The following PTPRT variants were observed in gnomAD, a reference collection of about 807,000 sequenced individuals.
PTPRT encodes the protein protein tyrosine phosphatase receptor type T, also known as receptor-type tyrosine-protein phosphatase T.
In PTPRT, 56 loss-of-function variants were observed where a neutral mutation model predicts 176.8. That is an observed-to-expected ratio of 0.32 (90% CI 0.26 to 0.40). PTPRT has a LOEUF of 0.40. Among genes scored for constraint, PTPRT ranks in the 10% least tolerant of loss-of-function variants. The pLI is 1.00. For missense variants in PTPRT, 1,540 were observed against 1,908.2 expected, an observed-to-expected ratio of 0.81 and a Z score of 3.60; for synonymous variants, 783 against 739.0, an observed-to-expected ratio of 1.06 and a Z score of -0.96.
intron 2 of PTPRT, among the ~76,000 whole-genome samples, chr20:42,815,757 C>T (rs912754793): frequency 1.3e-5 from 2 of 152,116 alleles, no homozygotes; most frequent in Admixed American, 1.3e-4. Flanking sequence ...GTTGACAGGG[C>T]TTCTCATCAA....
intron 7 of PTPRT, among the ~76,000 whole-genome samples, chr20:42,648,545 C>A (rs1053040867): frequency 1.3e-5 from 2 of 152,080 alleles, no homozygotes; most frequent in African/African-American, 4.8e-5. Context: ...CCTAGGCCCC[C>A]GAATGTGACT....
At chr20:42,935,482 A>T (rs767030922) in intron 1 of PTPRT, among the ~76,000 whole-genome samples, 6 of 152,098 alleles carry the variant, frequency 3.9e-5, no homozygotes, top group Admixed American at 6.6e-5. Flanking sequence ...GGTCCAGTCT[A>T]CACTTGAAGG....
intron 7 of PTPRT, among the ~76,000 whole-genome samples, chr20:42,632,638 A>G (rs75699285): frequency 0.12 from 18,650 of 150,012 alleles, 1,242 homozygotes; most frequent in South Asian, 0.15. Flanking sequence ...TTTATATATT[A>G]TACTAAATTT....
intron 1 of PTPRT, among the ~76,000 whole-genome samples, chr20:43,143,699 G>T (rs1031499254): frequency 1.3e-5 from 2 of 152,186 alleles, no homozygotes; most frequent in African/African-American, 4.8e-5. Context: ...GAGAATGGTG[G>T]ATATGATATC....
intron 15 of PTPRT, among the ~76,000 whole-genome samples, chr20:42,200,099 G>A (rs186897229): frequency 3.2e-4 from 48 of 151,284 alleles, no homozygotes; most frequent in African/African-American, 1.1e-3. Context: ...CAGGATCATT[G>A]AAGTAGGACA....
intron 2 of PTPRT, among the ~76,000 whole-genome samples, chr20:42,850,323 G>T (rs1490532814): frequency 6.6e-6 from 1 of 152,174 alleles, no homozygotes; most frequent in Admixed American, 6.5e-5. Context: ...TCCTCAAGTT[G>T]AAAAGCACTG....
chr20:42,372,649 A>T (rs1156266951), intron 9 of PTPRT, among the ~76,000 whole-genome samples: 1 of 152,132 alleles, frequency 6.6e-6, no homozygotes, highest in Non-Finnish European at 1.5e-5. Flanking sequence ...TAAAGTTTGA[A>T]AGTCCCCCCA....
chr20:42,206,472 A>G (rs2055465936), intron 15 of PTPRT, among the ~76,000 whole-genome samples: 1 of 152,232 alleles, frequency 6.6e-6, no homozygotes, highest in African/African-American at 2.4e-5. Context: ...TCACTTGGGA[A>G]GCGCAAGGGG....
chr20:42,434,445 A>T (rs1389058563), intron 9 of PTPRT, among the ~76,000 whole-genome samples: 1 of 152,106 alleles, frequency 6.6e-6, no homozygotes, highest in Non-Finnish European at 1.5e-5. Context: ...ACTTTAGCAA[A>T]TTAATTCTAT....
At chr20:42,841,250 C>T (rs1401881143) in intron 2 of PTPRT, among the ~76,000 whole-genome samples, 3 of 152,220 alleles carry the variant, frequency 2.0e-5, no homozygotes, top group Admixed American at 2.0e-4. Context: ...CCTTTAAAAT[C>T]TGCATTTGTC....
At chr20:42,560,594 C>T (rs1239265538) in intron 7 of PTPRT, among the ~76,000 whole-genome samples, 4 of 152,142 alleles carry the variant, frequency 2.6e-5, no homozygotes, top group Non-Finnish European at 5.9e-5. Context: ...ATAGACGGCC[C>T]TTTCATTTAA....
At chr20:42,418,701 G>C (rs189840064) in intron 9 of PTPRT, among the ~76,000 whole-genome samples, 1 of 152,126 alleles carries the variant, frequency 6.6e-6, no homozygotes, top group African/African-American at 2.4e-5. Flanking sequence ...ATGTACTGCC[G>C]CTCAGATCTG....
intron 15 of PTPRT, among the ~76,000 whole-genome samples, chr20:42,215,392 G>A (rs1417097399): frequency 6.6e-6 from 1 of 152,216 alleles, no homozygotes; most frequent in African/African-American, 2.4e-5. Context: ...GATGAGAAAT[G>A]ATAAATGATG....
intron 1 of PTPRT, among the ~76,000 whole-genome samples, chr20:43,147,416 C>T (rs951452977): frequency 6.6e-6 from 1 of 152,154 alleles, no homozygotes; most frequent in African/African-American, 2.4e-5. Context: ...TCCTACACAT[C>T]GCTTCGTCAG....
chr20:42,258,760 T>C (rs1262953301), intron 13 of PTPRT, among the ~76,000 whole-genome samples: 2 of 152,196 alleles, frequency 1.3e-5, no homozygotes, highest in Admixed American at 6.5e-5. Context: ...ATTGCCTCAA[T>C]TCATCATATG....
At chr20:42,263,715 T>C in intron 13 of PTPRT, among the ~76,000 whole-genome samples, 1 of 149,254 alleles carries the variant, frequency 6.7e-6, no homozygotes, top group Admixed American at 6.7e-5. Flanking sequence ...CGTAGAGACA[T>C]GGTCTCACTA....
At chr20:42,836,571 C>T (rs2078184751) in intron 2 of PTPRT, among the ~76,000 whole-genome samples, 1 of 152,154 alleles carries the variant, frequency 6.6e-6, no homozygotes, top group Non-Finnish European at 1.5e-5. Flanking sequence ...GACCTGGACG[C>T]AGGCCAACAC....
chr20:43,141,803 C>G (rs995168478), intron 1 of PTPRT, among the ~76,000 whole-genome samples: 1 of 152,172 alleles, frequency 6.6e-6, no homozygotes, highest in African/African-American at 2.4e-5. Context: ...ATTCCCAGAA[C>G]AGTTTCTTGA....
At chr20:42,975,136 C>A (rs1982872447) in intron 1 of PTPRT, among the ~76,000 whole-genome samples, 1 of 151,956 alleles carries the variant, frequency 6.6e-6, no homozygotes, top group African/African-American at 2.4e-5. Flanking sequence ...TAAAAAAAAT[C>A]AGATGTGAAA....
Sources: gnomAD v4.1 joint callset for allele counts (sites outside exome capture counted in the v4.1 genomes callset) on GRCh38, gnomAD v4.1.1 for gene constraint, MANE v1.5 for transcripts, NCBI Gene and HGNC (gene_info 2026-07-23, HGNC 2026-07-21) for gene names.